Variants in STK25 observed in about 807,000 individuals in gnomAD.
STK25 encodes serine/threonine kinase 25, also known as serine/threonine-protein kinase 25.
In STK25, 29 loss-of-function variants were observed where a neutral mutation model predicts 53.8. The ratio of observed to expected loss-of-function variants is 0.54; its 90% CI spans 0.40 to 0.74. The LOEUF is 0.74. Ranked by LOEUF, STK25 falls within the 30% of genes least tolerant of loss-of-function variation. The pLI is 0.00. For missense variants in STK25, 420 were observed against 568.0 expected, an observed-to-expected ratio of 0.74 and a Z score of 2.65; for synonymous variants, 247 against 238.3, an observed-to-expected ratio of 1.04 and a Z score of -0.33.
At chr2:241,495,921 G>T (rs1206968969) in intron 11 of STK25, among the ~76,000 whole-genome samples, 2 of 152,256 alleles carry the variant, frequency 1.3e-5, no homozygotes, top group Non-Finnish European at 2.9e-5. Flanking sequence ...GTCCCTGTGT[G>T]TGGACCAGGA....
Position 241,496,309 on chromosome 2 carries a change from C to T in STK25, c.1241+89G>A. 1 of 1,495,608 alleles carries T rather than the reference C, an allele frequency of 6.7e-7. No homozygotes were observed. Among genetic ancestry groups the T allele is most frequent in the East Asian group, 2.3e-5 (1 of 43,744 alleles). The allele number at this position is 1,495,608 out of a possible 1,614,324, so 92.6% of individuals were successfully genotyped here. On this transcript the variant is annotated intron_variant, in intron 11 of 11. Coordinates refer to ENST00000316586, the MANE Select transcript of STK25 (RefSeq NM_001271977.2). This position sits in a 1 kb window ranked among gnomAD's most constrained non-coding sequence, Gnocchi z 5.8. ...GAGCCCATGTAGTGCCAAATGCAGC[C>T]ACACCCACGAGTGAGCACTGGACCT... is the stretch of plus-strand genomic sequence containing the variant.
At chr2:241,499,652 T>C in intron 5 of STK25, 1 of 600,236 alleles carries the variant, frequency 1.7e-6, no homozygotes, top group Non-Finnish European at 2.9e-6. Flanking sequence ...CATTTGGCTT[T>C]TACGACAAAT....
In STK25 at chr2:241,500,734, C is replaced by G; in HGVS notation, c.318+6G>C. On this transcript the variant is annotated splice_donor_region_variant and intron_variant, in intron 4 of 11. Coordinates refer to ENST00000316586, the MANE Select transcript of STK25 (RefSeq NM_001271977.2). ...TGACCCCCCACTGCCATGGCCTATG[C>G]CTCACCAAGTCCAGTGCTGAGCCGC... 6.2e-7 allele frequency: 1 copy of G among 1,613,778 alleles called. No homozygotes were observed. Among genetic ancestry groups the G allele is most frequent in the Non-Finnish European group, 8.5e-7 (1 of 1,179,854 alleles).
rs1387623030 is a variant in STK25 at position 241,508,069 on chromosome 2, C to T, written c.-34G>A. ...CGCCTCAGACCCTCCGCCAGCAGCCCCAGGAGGCGTCTGGATCCCGCGGAG... is the reference window on the plus strand; with the variant it reads ...CGCCTCAGACCCTCCGCCAGCAGCCTCAGGAGGCGTCTGGATCCCGCGGAG... On this transcript the variant is annotated 5_prime_UTR_variant, in exon 2 of 12. Transcript: ENST00000316586. The T allele has an allele frequency of 1.3e-6, 2 of 1,587,660 alleles. No homozygotes were observed. Among genetic ancestry groups the T allele is most frequent in the African/African-American group, 1.3e-5 (1 of 74,184 alleles).
Position 241,493,390 on chromosome 2 carries a change from A to G in STK25, c.*2272T>C. 4 of 1,614,012 alleles carry G rather than the reference A, an allele frequency of 2.5e-6. No individual in the cohort carries two copies. The highest frequency in any genetic ancestry group is 3.4e-6 in the Non-Finnish European group (4 of 1,180,008). On this transcript the variant is annotated 3_prime_UTR_variant, in exon 12 of 12. Transcript: ENST00000316586. The stretch of plus-strand genomic sequence containing the variant: ...CACAAAGACTATGTTTTCAAGCTCC[A>G]GTTCAAATCCCACGTCTACTTCTTC...
At position 241,508,557 on chromosome 2, in the gene STK25, G is replaced by A. The variant is rs1050612052; in HGVS notation, c.-215C>T. 2.2e-5 allele frequency: 22 copies of A among 993,566 alleles called. No homozygotes were observed. The highest frequency in any genetic ancestry group is 5.2e-5 in the African/African-American group (3 of 57,266). The allele number at this position is 993,566 out of a possible 1,614,324, so 61.5% of individuals were successfully genotyped here. A position where few individuals can be genotyped will look rare whatever the true frequency, so the allele number is the denominator to read the frequency against. ...CGGGCCTCCCAGCCCGCGAAGCAAC[G>A]GTGGTGGCGGCAGCGACCGGAGAAA... On this transcript the variant is annotated 5_prime_UTR_variant, in exon 1 of 12. Coordinates refer to ENST00000316586, the MANE Select transcript of STK25 (RefSeq NM_001271977.2).
chr2:241,508,103 A>G lies in STK25; in HGVS notation c.-68T>C, dbSNP rs961880326. 6.5e-7 allele frequency: 1 copy of G among 1,548,458 alleles called. No individual in the cohort carries two copies. Among genetic ancestry groups the G allele is most frequent in the African/African-American group, 1.4e-5 (1 of 72,504 alleles). On this transcript the variant is annotated 5_prime_UTR_variant, in exon 2 of 12. Transcript: ENST00000316586. ...GTCTGGATCCCGCGGAGAGGCGCGG[A>G]GCCGGCTAGCTCGCCCCTGCGGCGT...
intron 2 of STK25, among the ~76,000 whole-genome samples, chr2:241,505,057 C>G (rs1213774691): frequency 1.3e-5 from 2 of 151,520 alleles, no homozygotes; most frequent in African/African-American, 2.4e-5. Flanking sequence ...GCCGGACTTA[C>G]AGGCACCCGC....
intron 11 of STK25, 27 bp from the exon 12 acceptor site, chr2:241,495,728 G>A (rs758781901): frequency 6.7e-5 from 108 of 1,613,580 alleles, no homozygotes; most frequent in Non-Finnish European, 8.0e-5. Flanking sequence ...CCACTGCTGC[G>A]TGCGTGCACC....
Position 241,497,626 on chromosome 2 carries a change from A to G in STK25, c.1094T>C (p.Val365Ala). Reference protein sequence around the residue: ...SQCLSTLVRPVFGELKEKHKQ... With the variant: ...SQCLSTLVRPAFGELKEKHKQ... ...CAGCCCCATCCTCACCTCTCCGAAG[A>G]CGGGCCGGACCAGCGTGGACAGGCA... is the stretch of plus-strand genomic sequence containing the variant. Residue 365 changes from valine (V) to alanine (A), a missense_variant, in exon 10 of 12, where the codon GTC becomes GCC. Transcript: ENST00000316586. The G allele has an allele frequency of 1.9e-6, 3 of 1,613,448 alleles. No individual in the cohort carries two copies. Among genetic ancestry groups the G allele is most frequent in the Non-Finnish European group, 2.5e-6 (3 of 1,179,978 alleles).
chr2:241,495,654 A>C lies in STK25; in HGVS notation c.*8T>G. On this transcript the variant is annotated 3_prime_UTR_variant, in exon 12 of 12. Coordinates refer to ENST00000316586, the MANE Select transcript of STK25 (RefSeq NM_001271977.2). Reference sequence around the variant, plus strand: ...ACCTTCCGTCCCCTATCTGAACAGCAGTGCGCTTCAGCGGGTGGATGTCAG... The same window carrying C: ...ACCTTCCGTCCCCTATCTGAACAGCCGTGCGCTTCAGCGGGTGGATGTCAG... 1 of 1,614,188 alleles carries C rather than the reference A, an allele frequency of 6.2e-7. No individual in the cohort carries two copies. Among genetic ancestry groups the C allele is most frequent in the Non-Finnish European group, 8.5e-7 (1 of 1,179,986 alleles).
Position 241,499,127 on chromosome 2 carries a change from C to T in STK25, c.633G>A (p.Gly211=), listed in dbSNP as rs370290798. ...GGTGGAGGTCAGAGTTTGGAGGCTC[C>T]CCCTTGGCCAGCTCGATGGCTGTGA... The part of the protein sequence containing the change: ...LGITAIELAK[G]EPPNSDLHPM... Residue 211 remains glycine, a synonymous_variant, in exon 7 of 12, where the codon GGG becomes GGA. Coordinates refer to ENST00000316586, the MANE Select transcript of STK25 (RefSeq NM_001271977.2). The T allele has an allele frequency of 1.2e-6, 2 of 1,613,658 alleles. No homozygotes were observed. Among genetic ancestry groups the T allele is most frequent in the South Asian group, 1.1e-5 (1 of 91,088 alleles).
intron 5 of STK25, chr2:241,499,658 C>A: frequency 3.4e-6 from 2 of 583,542 alleles, no homozygotes. Context: ...GCTTTTACGA[C>A]AAATCCCAAC....
chr2:241,507,193 C>T (rs894567762), intron 2 of STK25, among the ~76,000 whole-genome samples: 2 of 152,158 alleles, frequency 1.3e-5, no homozygotes, highest in African/African-American at 2.4e-5. Context: ...AACCCAGCGG[C>T]CAGAGTCAAA....
In STK25 at chr2:241,493,735, C is replaced by T. The variant is rs1218194757; in HGVS notation, c.*1927G>A. The stretch of plus-strand genomic sequence containing the variant: ...TCAGCCTCCTGAGTAACTGAGATTA[C>T]AGGCATGCACGCCACGCCGCCTGGC... On this transcript the variant is annotated 3_prime_UTR_variant, in exon 12 of 12. Transcript: ENST00000316586. The T allele has an allele frequency of 2.0e-6, 1 of 494,842 alleles. No individual in the cohort carries two copies. Among genetic ancestry groups the T allele is most frequent in the Non-Finnish European group, 3.6e-6 (1 of 278,518 alleles). The allele number at this position is 494,842 out of a possible 1,614,324, so 30.7% of individuals were successfully genotyped here. A position where few individuals can be genotyped will look rare whatever the true frequency, so the allele number is the denominator to read the frequency against.
In STK25 at chr2:241,493,671, T is replaced by G. The variant is rs1232414604; in HGVS notation, c.*1991A>C. On this transcript the variant is annotated 3_prime_UTR_variant, in exon 12 of 12. Transcript: ENST00000316586. Reference sequence around the variant, plus strand: ...GTGCAGTGATACAATCTTGGCTCACTATAACCTGCACCTCCAGGGTTCAAG... The same window carrying G: ...GTGCAGTGATACAATCTTGGCTCACGATAACCTGCACCTCCAGGGTTCAAG... 1 of 563,532 alleles carries G rather than the reference T, an allele frequency of 1.8e-6. No homozygotes were observed. Among genetic ancestry groups the G allele is most frequent in the Non-Finnish European group, 3.2e-6 (1 of 316,414 alleles). The allele number at this position is 563,532 out of a possible 1,614,324, so 34.9% of individuals were successfully genotyped here.
At chr2:241,505,874 G>A (rs1382133831) in intron 2 of STK25, among the ~76,000 whole-genome samples, 10 of 151,932 alleles carry the variant, frequency 6.6e-5, no homozygotes, top group African/African-American at 2.4e-4. Context: ...TTTGGATGTA[G>A]CAGCAGCTGT....
At chr2:241,506,494 G>A (rs1362248201) in intron 2 of STK25, among the ~76,000 whole-genome samples, 2 of 152,198 alleles carry the variant, frequency 1.3e-5, no homozygotes, top group Middle Eastern at 3.2e-3. Context: ...GTGGCCGAGC[G>A]CGGTGGCTCA....
At chr2:241,508,722 G>GGC (rs2066010664), upstream of STK25, 1 of 985,332 alleles carries the variant, frequency 1.0e-6, no homozygotes, top group African/African-American at 1.8e-5. Flanking sequence ...CGCGAGAGGG[G>GGC]GCCGGGGCTC....
Sources: allele counts gnomAD v4.1 joint callset (sites outside exome capture counted in the v4.1 genomes callset), GRCh38; gene constraint gnomAD v4.1.1; non-coding constraint Gnocchi (gnomAD v3.1); transcripts MANE v1.5; gene names NCBI Gene and HGNC (gene_info 2026-07-23, HGNC 2026-07-21).